The following RAD18 variants were observed in gnomAD, a reference collection of about 807,000 sequenced individuals.
The protein encoded by RAD18 is RAD18 E3 ubiquitin protein ligase.
RAD18 carries 47 observed loss-of-function variants against 60.4 expected under a neutral mutation model. That is an observed-to-expected ratio of 0.78 (90% CI 0.62 to 0.99). The LOEUF is 0.99. Ranked by LOEUF, RAD18 falls within the 50% of genes least tolerant of loss-of-function variation. The probability of loss-of-function intolerance (pLI) is 0.00; values close to 1 mark genes in which losing one functional copy is unlikely to be tolerated. For missense variants in RAD18, 640 were observed against 593.3 expected (o/e 1.08, Z -0.82); for synonymous variants, 225 against 195.5 (o/e 1.15, Z -1.26).
chr3:8,963,290 C>T (rs776169809), intron 1 of RAD18, 45 bp downstream of exon 1: 3 of 1,562,880 alleles, frequency 1.9e-6, no homozygotes, highest in East Asian at 4.8e-5. Context: ...GAGGGACCTC[C>T]CCCCGCAGAC....
chr3:8,896,776 G>C (rs1939793302), intron 11 of RAD18, among the ~76,000 whole-genome samples: 1 of 152,154 alleles, frequency 6.6e-6, no homozygotes, highest in Non-Finnish European at 1.5e-5. Flanking sequence ...ACCCATGGCG[G>C]CATCATCTCT....
intron 12 of RAD18, among the ~76,000 whole-genome samples, chr3:8,888,844 G>C (rs191276353): frequency 6.6e-6 from 1 of 152,272 alleles, no homozygotes; most frequent in Non-Finnish European, 1.5e-5. Context: ...TTTTCTAAGT[G>C]CTTTCTGGTA....
intron 10 of RAD18, 90 bp downstream of exon 10, chr3:8,902,290 T>C (rs1398209128): frequency 8.0e-7 from 1 of 1,252,358 alleles, no homozygotes; most frequent in South Asian, 1.9e-5. Context: ...AACTAAGAAC[T>C]CCAAAGTAAA....
chr3:8,919,616 A>C (rs1463654016), intron 7 of RAD18, among the ~76,000 whole-genome samples: 1 of 152,256 alleles, frequency 6.6e-6, no homozygotes. Context: ...GTGCGTATGT[A>C]TATATATGCA....
chr3:8,891,076 AT>A (rs372458998), intron 11 of RAD18, among the ~76,000 whole-genome samples: 92,194 of 145,880 alleles, frequency 0.63, 30,480 homozygotes, highest in Middle Eastern at 0.76. Context: ...TATATATAAA[AT>A]ATATATATAT....
Position 8,941,590 on chromosome 3 carries a change from T to C in RAD18, c.481A>G (p.Lys161Glu), listed in dbSNP as rs755622520. The change falls in exon 5 of 13, where the codon AAA becomes GAA. Residue 161 changes from lysine to glutamate, a missense_variant. Transcript: ENST00000264926. ...KENKSKFSPQ[K>E]EASPAAKTKE... ...GTCTTTGCAGCAGGGCTCGCCTCTT[T>C]TTGAGGGCTGAATTTGCTTTTATTT... The C allele has an allele frequency of 5.0e-6, 8 of 1,614,052 alleles. No individual in the cohort carries two copies. Among genetic ancestry groups the C allele is most frequent in the Non-Finnish European group, 6.8e-6 (8 of 1,180,030 alleles).
intron 1 of RAD18, among the ~76,000 whole-genome samples, chr3:8,960,915 G>A (rs543554945): frequency 1.3e-5 from 2 of 152,068 alleles, no homozygotes; most frequent in Admixed American, 6.5e-5. Flanking sequence ...TTTACAATAT[G>A]CCAAAAACAG....
chr3:8,957,011 T>C (rs1941026713), intron 2 of RAD18, among the ~76,000 whole-genome samples: 1 of 152,150 alleles, frequency 6.6e-6, no homozygotes, highest in Admixed American at 6.5e-5. Flanking sequence ...AGTAAAACTG[T>C]CTTTATCCAC....
At chr3:8,930,364 T>TATA (rs772589467) in intron 7 of RAD18, among the ~76,000 whole-genome samples, 26 of 152,322 alleles carry the variant, frequency 1.7e-4, no homozygotes, top group Non-Finnish European at 2.9e-4. Flanking sequence ...TAGACAACTC[T>TATA]ATAGAGACAG....
chr3:8,902,613 T>C, intron 9 of RAD18, 93 bp from the exon 10 acceptor site: 1 of 1,271,014 alleles, frequency 7.9e-7, no homozygotes, highest in East Asian at 2.6e-5. Context: ...GTACAAGGGA[T>C]GGGCATGGTG....
chr3:8,887,289 A>G (rs1939584729), intron 12 of RAD18, among the ~76,000 whole-genome samples: 1 of 152,162 alleles, frequency 6.6e-6, no homozygotes, highest in South Asian at 2.1e-4. Flanking sequence ...ACTGCAGGTG[A>G]GTGGTAAGGG....
rs1939373760 is a variant in RAD18, at chr3:8,877,253, A to C, written c.*4104T>G. ...ATGGAGGCTGGTAAGTCCAAGATCA[A>C]GGCACTGGCAGATTCCGTGTCTGGT... On this transcript the variant is annotated 3_prime_UTR_variant, in exon 13 of 13. Transcript: ENST00000264926. The C allele has an allele frequency of 6.5e-6, 1 of 155,004 alleles. No homozygotes were observed. Among genetic ancestry groups the C allele is most frequent in the Non-Finnish European group, 1.4e-5 (1 of 69,766 alleles). 9.6% of individuals were successfully genotyped at this position (155,004 alleles called of 1,614,324 possible). A position where few individuals can be genotyped will look rare whatever the true frequency, so the allele number is the denominator to read the frequency against.
chr3:8,913,986 C>T (rs1048367850), intron 7 of RAD18, among the ~76,000 whole-genome samples: 2 of 152,008 alleles, frequency 1.3e-5, no homozygotes, highest in African/African-American at 4.8e-5. Context: ...TTGCTTTCTC[C>T]TTTGAATATA....
intron 12 of RAD18, among the ~76,000 whole-genome samples, chr3:8,888,431 A>C (rs1939621252): frequency 6.6e-6 from 1 of 152,230 alleles, no homozygotes; most frequent in Non-Finnish European, 1.5e-5. Context: ...AATTAAGAGA[A>C]TGTGTCGGAA....
At chr3:8,962,303 C>G (rs953578909) in intron 1 of RAD18, among the ~76,000 whole-genome samples, 2 of 152,234 alleles carry the variant, frequency 1.3e-5, no homozygotes, top group Non-Finnish European at 2.9e-5. Context: ...CTCTTCTCCA[C>G]TGCATCCTGG....
chr3:8,888,227 G>A lies in RAD18; in HGVS notation c.1385+2162C>T, dbSNP rs141018729. 8.5e-5 allele frequency among the ~76,000 whole-genome samples: 13 copies of A among 152,294 alleles called. No homozygotes were observed. The East Asian group carries it at 2.3e-3, about 27-fold the overall frequency. On this transcript the variant is annotated intron_variant, in intron 12 of 12. Transcript: ENST00000264926. ...CATGCCCTGTCTCTAGGACCTGTGA[G>A]TATAATGAAACAAGTTTTCCTGAGC...
intron 12 of RAD18, 103 bp from the exon 13 acceptor site, chr3:8,881,562 G>T: frequency 2.4e-6 from 2 of 847,210 alleles, no homozygotes; most frequent in South Asian, 1.6e-5. Context: ...TTAAAACCTC[G>T]AAATAATCCT....
rs1940296401 is a variant in RAD18, at chr3:8,920,387, A to G, written c.890-6667T>C. 2.6e-5 allele frequency among the ~76,000 whole-genome samples: 4 copies of G among 152,356 alleles called. No homozygotes were observed. The South Asian group carries it at 6.2e-4, about 24-fold the overall frequency. On this transcript the variant is annotated intron_variant, in intron 7 of 12. Transcript: ENST00000264926. ...AATTAGCAACTGTGAAACCAATGCT[A>G]AAGTTGAAAAATCATCATTTTGCAA...
intron 7 of RAD18, among the ~76,000 whole-genome samples, chr3:8,923,544 C>T (rs1456506535): frequency 6.6e-6 from 1 of 151,926 alleles, no homozygotes; most frequent in Admixed American, 6.6e-5. Context: ...CCAACATTCA[C>T]ATTCAGGAAA....
Sources: allele counts gnomAD v4.1 joint callset (sites outside exome capture counted in the v4.1 genomes callset), GRCh38; gene constraint gnomAD v4.1.1; transcripts MANE v1.5; gene names NCBI Gene and HGNC (gene_info 2026-07-23, HGNC 2026-07-21).